FBN2: variants seen among roughly 807,000 people sequenced by gnomAD.
The protein encoded by FBN2 is fibrillin 2, also known as fibrillin-2.
A neutral mutation model predicts 355.6 loss-of-function variants in FBN2; 105 were observed. The ratio of observed to expected loss-of-function variants is 0.30; its 90% CI spans 0.25 to 0.35. The LOEUF is 0.35. FBN2 is among the 10% of genes least tolerant of loss of function. FBN2 has a pLI of 1.00. For synonymous variants in FBN2, 1,350 were observed against 1,301.2 expected, an observed-to-expected ratio of 1.04 and a Z score of -0.81; for missense variants, 3,280 against 3,758.7, an observed-to-expected ratio of 0.87 and a Z score of 3.33.
chr5:128,285,206 A>T (rs372868437), intron 55 of FBN2, among the ~76,000 whole-genome samples: 13 of 151,516 alleles, frequency 8.6e-5, no homozygotes, highest in Non-Finnish European at 1.8e-4. Flanking sequence ...TTTTTGGGTA[A>T]GTTTGATTCC....
At chr5:128,380,405 C>T (rs1342672381) in intron 11 of FBN2, among the ~76,000 whole-genome samples, 4 of 152,068 alleles carry the variant, frequency 2.6e-5, no homozygotes, top group South Asian at 2.1e-4. Context: ...TGAGAAACCA[C>T]GCATCCACTC....
intron 46 of FBN2, 68 bp downstream of exon 46, chr5:128,302,905 T>C: frequency 1.1e-6 from 1 of 926,802 alleles, no homozygotes; most frequent in South Asian, 1.4e-5. Flanking sequence ...TCTTTAGTTT[T>C]GTTTTTTATT....
chr5:128,326,404 CAT>C (rs1750549120), intron 34 of FBN2, among the ~76,000 whole-genome samples: 1 of 152,180 alleles, frequency 6.6e-6, no homozygotes, highest in South Asian at 2.1e-4. Context: ...AGGTCTGTTC[CAT>C]TTAATGGAGT....
At chr5:128,417,265 G>T (rs976463107) in intron 7 of FBN2, among the ~76,000 whole-genome samples, 13 of 151,914 alleles carry the variant, frequency 8.6e-5, no homozygotes, top group African/African-American at 3.1e-4. Flanking sequence ...CAATTTTTAG[G>T]ATTTCTAAAT....
intron 2 of FBN2, among the ~76,000 whole-genome samples, chr5:128,532,943 G>A (rs532912306): frequency 6.6e-6 from 1 of 152,286 alleles, no homozygotes; most frequent in African/African-American, 2.4e-5. Flanking sequence ...AGGAGGCTGA[G>A]GTCAGAATGC....
At chr5:128,527,320 G>C (rs1487352366) in intron 4 of FBN2, among the ~76,000 whole-genome samples, 1 of 152,074 alleles carries the variant, frequency 6.6e-6, no homozygotes, top group Admixed American at 6.6e-5. Flanking sequence ...TACCAGTTTT[G>C]CTGGGTTACA....
At chr5:128,443,633 C>T (rs1473523429) in intron 7 of FBN2, among the ~76,000 whole-genome samples, 1 of 152,094 alleles carries the variant, frequency 6.6e-6, no homozygotes, top group East Asian at 1.9e-4. Context: ...TACTCAGACC[C>T]AAAATACTGA....
At chr5:128,495,663 T>C (rs540289768) in intron 5 of FBN2, among the ~76,000 whole-genome samples, 1 of 151,952 alleles carries the variant, frequency 6.6e-6, no homozygotes, top group East Asian at 1.9e-4. Flanking sequence ...AAGGTACTAA[T>C]AAAATAGAAA....
intron 8 of FBN2, among the ~76,000 whole-genome samples, chr5:128,396,734 T>C (rs1033071992): frequency 6.6e-6 from 1 of 152,220 alleles, no homozygotes; most frequent in Non-Finnish European, 1.5e-5. Context: ...GCCTTTATAG[T>C]AACCAATGGA....
intron 5 of FBN2, among the ~76,000 whole-genome samples, chr5:128,471,270 A>G (rs942380766): frequency 2.6e-5 from 4 of 152,058 alleles, no homozygotes; most frequent in African/African-American, 9.7e-5. Flanking sequence ...TATTTCAATG[A>G]TGAGGTTATA....
intron 34 of FBN2, among the ~76,000 whole-genome samples, chr5:128,327,716 G>A (rs187965439): frequency 3.0e-4 from 45 of 151,712 alleles, no homozygotes; most frequent in African/African-American, 1.0e-3. Context: ...TTGGCTCACC[G>A]CAACCTCCGC....
chr5:128,309,376 G>C lies in FBN2; in HGVS notation c.5224C>G (p.Arg1742Gly), dbSNP rs1178371653. The change falls in exon 41 of 65, where the codon CGA (arginine) becomes GGA (glycine). Residue 1742 changes from arginine (R) to glycine (G), a missense_variant. By Grantham distance (125) the Arg-to-Gly change is moderately radical. Coordinates refer to ENST00000262464, the MANE Select transcript of FBN2 (RefSeq NM_001999.4). ...CMDMRKSFCY[R>G]SYNGTTCENE... ...TCACAAGTGGTTCCATTATAGCTTC[G>C]GTAGCAAAAGCTTTTTCTCATGTCT... The C allele has an allele frequency of 1.9e-6, 3 of 1,613,774 alleles. No individual in the cohort carries two copies. Among genetic ancestry groups the C allele is most frequent in the South Asian group, 2.2e-5 (2 of 91,068 alleles).
At chr5:128,364,819 T>G (rs1173671068) in intron 17 of FBN2, 94 bp from the exon 18 acceptor site, 12 of 1,047,914 alleles carry the variant, frequency 1.1e-5, no homozygotes, top group Non-Finnish European at 1.8e-5. Context: ...ACATATGAAG[T>G]GTTTAACTCT....
chr5:128,272,631 T>C (rs1288318381), intron 61 of FBN2, among the ~76,000 whole-genome samples: 1 of 151,852 alleles, frequency 6.6e-6, no homozygotes, highest in Non-Finnish European at 1.5e-5. Context: ...TCAAGATTAA[T>C]TAGATGCAAA....
rs758823011 is a variant in FBN2 at position 128,277,981 on chromosome 5, G to A, written c.7370C>T (p.Pro2457Leu). 6.2e-7 allele frequency: 1 copy of A among 1,613,900 alleles called. No homozygotes were observed. The change falls in exon 58 of 65, where the codon CCA (proline) becomes CTA (leucine). Residue 2457 changes from proline to leucine, a missense_variant. Around this residue, in one of 6 missense-constraint regions of FBN2, gnomAD observed 2,284 missense variants for 2,749.5 expected, o/e 0.83. Coordinates refer to ENST00000262464, the MANE Select transcript of FBN2 (RefSeq NM_001999.4). ...GRDIDECKVM[P>L]NLCTNGQCIN... ...GCACTGACCATTGGTGCAGAGGTTT[G>A]GCATTACCTTACATTCATCAATATC...
At chr5:128,306,039 G>A (rs1749865361) in intron 42 of FBN2, 91 bp from the exon 43 acceptor site, 6 of 1,291,384 alleles carry the variant, frequency 4.6e-6, no homozygotes, top group South Asian at 2.4e-5. Context: ...ACCCTGGGAT[G>A]AGTACAAATA....
intron 7 of FBN2, among the ~76,000 whole-genome samples, chr5:128,414,489 T>C (rs930343177): frequency 6.6e-6 from 1 of 152,206 alleles, no homozygotes; most frequent in African/African-American, 2.4e-5. Context: ...AATAATATTC[T>C]ATTGTATGGA....
In FBN2 at chr5:128,334,724, C is replaced by T; in HGVS notation, c.4094G>A (p.Cys1365Tyr). Residue 1365 changes from cysteine (C) to tyrosine (Y), a missense_variant, in exon 31 of 65, where the codon TGT becomes TAT. Transcript: ENST00000262464. ...GYSVKKGTTG[C>Y]TDVDECEIGA... is the part of the protein sequence containing the mutation. Reference sequence around the variant, plus strand: ...AACACAAGCTTGAAACCTACCTGTACATCCTGTGGTCCCCTTCTTCACTGA... The same window carrying T: ...AACACAAGCTTGAAACCTACCTGTATATCCTGTGGTCCCCTTCTTCACTGA... 1 of 1,614,168 alleles carries T rather than the reference C, an allele frequency of 6.2e-7. No homozygotes were observed. Among genetic ancestry groups the T allele is most frequent in the Non-Finnish European group, 8.5e-7 (1 of 1,179,980 alleles).
At chr5:128,488,490 CT>C (rs928146687) in intron 5 of FBN2, among the ~76,000 whole-genome samples, 3 of 151,606 alleles carry the variant, frequency 2.0e-5, no homozygotes, top group Non-Finnish European at 2.9e-5. Flanking sequence ...GATTTTATTT[CT>C]TTTTTTTAAT....
Sources: allele counts gnomAD v4.1 joint callset (sites outside exome capture counted in the v4.1 genomes callset), GRCh38; gene constraint gnomAD v4.1.1; regional missense constraint gnomAD v4.1.1; transcripts MANE v1.5; gene names NCBI Gene and HGNC (gene_info 2026-07-23, HGNC 2026-07-21).